Variants in TNNI3K observed in about 807,000 individuals in gnomAD.
TNNI3K encodes serine/threonine-protein kinase TNNI3K.
In TNNI3K, 140 loss-of-function variants were observed where a neutral mutation model predicts 114.5. The observed-to-expected ratio is 1.22, with a 90% CI of 1.07 to 1.41. TNNI3K has a LOEUF of 1.41. Among genes scored for constraint, TNNI3K ranks in the 40% most tolerant of loss-of-function variants. TNNI3K has a pLI of 0.00. For synonymous variants in TNNI3K, 347 were observed against 347.5 expected (o/e 1.00, Z 0.02); for missense variants, 1,125 against 1,007.6 (o/e 1.12, Z -1.58).
chr1:74,380,728 G>A (rs1340130190), intron 17 of TNNI3K, among the ~76,000 whole-genome samples: 18 of 152,064 alleles, frequency 1.2e-4, no homozygotes, highest in Admixed American at 1.1e-3. Context: ...TTCTTGGGAG[G>A]CACTGTGAAT....
At chr1:74,440,579 T>C (rs1195900969) in intron 20 of TNNI3K, among the ~76,000 whole-genome samples, 1 of 152,140 alleles carries the variant, frequency 6.6e-6, no homozygotes, top group African/African-American at 2.4e-5. Flanking sequence ...GGAGTTTTTT[T>C]TCCCCAACCT....
intron 5 of TNNI3K, among the ~76,000 whole-genome samples, chr1:74,303,796 G>A (rs1347401673): frequency 6.6e-6 from 1 of 152,188 alleles, no homozygotes; most frequent in Non-Finnish European, 1.5e-5. Flanking sequence ...CTAGATGCCA[G>A]TAAGATCATT....
chr1:74,416,239 A>G, intron 17 of TNNI3K: 2 of 966,732 alleles, frequency 2.1e-6, no homozygotes, highest in Non-Finnish European at 2.5e-6. Context: ...TTTAAAAAGC[A>G]GAGTCAAATT....
At chr1:74,442,517 G>A (rs1666421634) in intron 20 of TNNI3K, among the ~76,000 whole-genome samples, 1 of 151,840 alleles carries the variant, frequency 6.6e-6, no homozygotes. Flanking sequence ...AATTTGATTC[G>A]ATTGTATTGA....
intron 21 of TNNI3K, among the ~76,000 whole-genome samples, chr1:74,481,292 G>T (rs945971507): frequency 3.3e-5 from 5 of 152,040 alleles, no homozygotes; most frequent in African/African-American, 1.2e-4. Context: ...GTCTTTTCAG[G>T]CCCTCCCTCC....
At position 74,403,608 on chromosome 1, in the gene TNNI3K, G is replaced by A. The variant is rs45484893; in HGVS notation, c.1773-32472G>A. 3.3e-3 allele frequency among the ~76,000 whole-genome samples: 497 copies of A among 152,204 alleles called. 6 individuals carry two copies. Among genetic ancestry groups the A allele is most frequent in the African/African-American group, 0.012 (486 of 41,548 alleles). On this transcript the variant is annotated intron_variant, in intron 17 of 24. Coordinates refer to ENST00000326637, the MANE Select transcript of TNNI3K (RefSeq NM_015978.3). ...CAAAAACAATACTATACTGGCTGTA[G>A]CTACCAAAATATATACATGAAAAAT...
At chr1:74,465,338 T>C (rs1158748804) in intron 21 of TNNI3K, among the ~76,000 whole-genome samples, 1 of 152,118 alleles carries the variant, frequency 6.6e-6, no homozygotes, top group Admixed American at 6.5e-5. Flanking sequence ...TCCCAGTGGG[T>C]GCAGGCCCCA....
intron 21 of TNNI3K, among the ~76,000 whole-genome samples, chr1:74,473,664 T>C (rs1668050358): frequency 2.6e-5 from 4 of 152,034 alleles, no homozygotes; most frequent in Admixed American, 2.6e-4. Context: ...GTAAACTAAG[T>C]TCCAGACTAG....
chr1:74,320,911 A>G (rs80211010), intron 5 of TNNI3K, among the ~76,000 whole-genome samples: 1 of 152,294 alleles, frequency 6.6e-6, no homozygotes, highest in Admixed American at 6.5e-5. Flanking sequence ...CATGAAAAAA[A>G]CTGTTGTCAG....
chr1:74,471,910 G>T, intron 21 of TNNI3K: 1 of 499,532 alleles, frequency 2.0e-6, no homozygotes, highest in Non-Finnish European at 3.6e-6. Flanking sequence ...ACAGATAAGA[G>T]AATTGTTTGG....
chr1:74,463,321 T>C, intron 20 of TNNI3K, 120 bp from the exon 21 acceptor site: 1 of 1,047,644 alleles, frequency 9.5e-7, no homozygotes, highest in Non-Finnish European at 1.5e-6. Context: ...GAGGTCTCTT[T>C]GAATGTCTGC....
intron 5 of TNNI3K, among the ~76,000 whole-genome samples, chr1:74,314,201 G>A (rs781515660): frequency 2.1e-4 from 31 of 149,546 alleles, no homozygotes; most frequent in Non-Finnish European, 3.0e-4. Flanking sequence ...TAAGTTCAGG[G>A]CCTGCTATAT....
At chr1:74,253,490 G>A (rs1005384726) in intron 4 of TNNI3K, among the ~76,000 whole-genome samples, 2 of 152,170 alleles carry the variant, frequency 1.3e-5, no homozygotes, top group African/African-American at 4.8e-5. Flanking sequence ...CTGCCGCACG[G>A]GGAGGCAGCT....
At chr1:74,333,252 CGTGA>C (rs1205768615) in intron 6 of TNNI3K, among the ~76,000 whole-genome samples, 1 of 152,180 alleles carries the variant, frequency 6.6e-6, no homozygotes, top group East Asian at 1.9e-4. Flanking sequence ...ACCTGTGAAG[CGTGA>C]CCTATAGGTA....
At position 74,342,976 on chromosome 1, in the gene TNNI3K, C is replaced by G; in HGVS notation, c.817C>G (p.Pro273Ala). The G allele has an allele frequency of 6.2e-7, 1 of 1,613,792 alleles. No individual in the cohort carries two copies. The highest frequency in any genetic ancestry group is 8.5e-7 in the Non-Finnish European group (1 of 1,179,862). ...PHVVNIYGDTPLHLACYNGKF... is the reference protein window; with the variant it reads ...PHVVNIYGDTALHLACYNGKF... ...TGTTGTTAATATCTATGGAGATACC[C>G]CCTTACACCTGTGAGTATTATGTAG... The change falls in exon 8 of 25, where the codon CCC becomes GCC. Residue 273 changes from proline (P) to alanine (A), a missense_variant. Physicochemically the swap from Pro to Ala is conservative, Grantham distance 27. Coordinates refer to ENST00000326637, the MANE Select transcript of TNNI3K (RefSeq NM_015978.3).
At chr1:74,329,881 A>C (rs993931613) in intron 5 of TNNI3K, among the ~76,000 whole-genome samples, 1 of 152,058 alleles carries the variant, frequency 6.6e-6, no homozygotes, top group African/African-American at 2.4e-5. Flanking sequence ...CTTAAGCGGC[A>C]ATTTGTTCAT....
chr1:74,489,385 T>G lies in TNNI3K; in HGVS notation c.2181+137T>G, dbSNP rs9326114. ...CTCCATCCATATTTGCCCTATTCAT[T>G]AAATTCCTATGGTGGAGCAGAATTA... On this transcript the variant is annotated intron_variant, in intron 22 of 24. Coordinates refer to ENST00000326637, the MANE Select transcript of TNNI3K (RefSeq NM_015978.3). 29,130 of 814,438 alleles carry G rather than the reference T, an allele frequency of 0.036. 2,509 individuals are homozygous for G. The highest frequency in any genetic ancestry group is 0.28 in the African/African-American group (15,886 of 56,820). 50.5% of individuals were successfully genotyped at this position (814,438 alleles called of 1,614,324 possible).
intron 20 of TNNI3K, among the ~76,000 whole-genome samples, chr1:74,443,450 C>T (rs1159588958): frequency 1.3e-5 from 2 of 152,052 alleles, no homozygotes; most frequent in Admixed American, 1.3e-4. Flanking sequence ...CCCCGCAAGA[C>T]TGAACCAGGA....
intron 17 of TNNI3K, among the ~76,000 whole-genome samples, chr1:74,411,063 C>A (rs937930014): frequency 5.9e-5 from 9 of 152,144 alleles, no homozygotes. Flanking sequence ...TTCTAATGAT[C>A]TTCCACATTT....
Sources: gnomAD v4.1 joint callset for allele counts (sites outside exome capture counted in the v4.1 genomes callset) on GRCh38, gnomAD v4.1.1 for gene constraint, MANE v1.5 for transcripts, NCBI Gene and HGNC (gene_info 2026-07-23, HGNC 2026-07-21) for gene names.